UBE3D: variants seen among roughly 807,000 people sequenced by gnomAD.
The protein encoded by UBE3D is E3 ubiquitin-protein ligase E3D.
UBE3D carries 48 observed loss-of-function variants against 49.6 expected under a neutral mutation model. That is an observed-to-expected ratio of 0.97 (90% confidence interval 0.77 to 1.23). The LOEUF (loss-of-function observed/expected upper bound fraction) is 1.23, where lower values mean the gene tolerates loss of function less well. UBE3D is among the 50% of genes most tolerant of loss of function. The pLI is 0.00. For missense variants in UBE3D, 452 were observed against 468.4 expected (o/e 0.96, Z 0.32); for synonymous variants, 189 against 174.2 (o/e 1.08, Z -0.67).
In UBE3D at chr6:82,894,478, G is replaced by A. The variant is rs539036357; in HGVS notation, c.1150-1436C>T. 4.6e-5 allele frequency among the ~76,000 whole-genome samples: 7 copies of A among 152,014 alleles called. No individual in the cohort carries two copies. In the South Asian group the frequency reaches 1.5e-3, roughly 32 times the overall value. On this transcript the variant is annotated intron_variant, in intron 9 of 9. Coordinates refer to ENST00000369747, the MANE Select transcript of UBE3D (RefSeq NM_198920.3). ...AGACCCCTCCCACCCATACCTATAA[G>A]TACCCCAGCCTGTAAGCAGCGGTGG... is the stretch of plus-strand genomic sequence containing the variant.
intron 3 of UBE3D, among the ~76,000 whole-genome samples, chr6:83,052,476 T>C (rs9359555): frequency 0.65 from 98,683 of 151,966 alleles, 32,956 homozygotes; most frequent in East Asian, 0.78. Flanking sequence ...GTCAGCTGAA[T>C]TCTGAAGTTC....
At chr6:82,933,701 C>A (rs376060857) in intron 9 of UBE3D, among the ~76,000 whole-genome samples, 3 of 152,068 alleles carry the variant, frequency 2.0e-5, no homozygotes, top group South Asian at 4.1e-4. Flanking sequence ...TCTACAGATA[C>A]GAAATGAAAA....
At chr6:82,898,096 C>A (rs549457324) in intron 9 of UBE3D, among the ~76,000 whole-genome samples, 1 of 151,954 alleles carries the variant, frequency 6.6e-6, no homozygotes, top group East Asian at 1.9e-4. Flanking sequence ...CATCACTGGT[C>A]ATTAGAGAAA....
intron 9 of UBE3D, among the ~76,000 whole-genome samples, chr6:82,922,469 C>G: frequency 6.6e-6 from 1 of 152,166 alleles, no homozygotes; most frequent in East Asian, 1.9e-4. Flanking sequence ...CTGACACATA[C>G]AAGCAATGGG....
In UBE3D at chr6:82,925,891, TA is replaced by T. The variant is rs1206854224; in HGVS notation, c.1149+31420del. 6.6e-5 allele frequency among the ~76,000 whole-genome samples: 10 copies of T among 152,290 alleles called. No homozygotes were observed. The East Asian group carries it at 1.7e-3, about 26-fold the overall frequency. ...TACTTTGTTCCTACTAAGTAAAGAC[TA>T]AATGCTCATTTAGGTAGAAAAAAAC... On this transcript the variant is annotated intron_variant, in intron 9 of 9. Transcript: ENST00000369747.
chr6:83,024,062 G>C, intron 5 of UBE3D, 24 bp from the exon 6 acceptor site: 1 of 1,394,436 alleles, frequency 7.2e-7, no homozygotes. Flanking sequence ...AGAAAATTAA[G>C]ACTCTCCCCA....
Position 83,003,540 on chromosome 6 carries a change from T to A in UBE3D, c.1010+15433A>T, listed in dbSNP as rs1450587619. ...GTCATGTGTCGCTTAACAACGTGCA[T>A]ACATCCTGAGAAATGCATTATTAGG... is the stretch of plus-strand genomic sequence containing the variant. On this transcript the variant is annotated intron_variant, in intron 8 of 9. Transcript: ENST00000369747. 2.6e-5 allele frequency among the ~76,000 whole-genome samples: 4 copies of A among 152,202 alleles called. No individual in the cohort carries two copies. The East Asian group carries it at 7.7e-4, about 29-fold the overall frequency.
Position 82,928,234 on chromosome 6 carries a change from T to A in UBE3D, c.1149+29078A>T, listed in dbSNP as rs532474890. ...AAATATGCAAAATTTGGTCAGATGC[T>A]AAAATGGATCCCGGGAACCGCATAT... On this transcript the variant is annotated intron_variant, in intron 9 of 9. Transcript: ENST00000369747. Among the ~76,000 whole-genome samples, 10 of 152,042 alleles carry A rather than the reference T, an allele frequency of 6.6e-5. No individual in the cohort carries two copies. The South Asian group carries it at 1.9e-3, about 28-fold the overall frequency.
At chr6:82,984,352 T>C (rs1049752919) in intron 8 of UBE3D, among the ~76,000 whole-genome samples, 1 of 152,204 alleles carries the variant, frequency 6.6e-6, no homozygotes, top group African/African-American at 2.4e-5. Flanking sequence ...ATTTTACAAA[T>C]AGTGCTCAAA....
chr6:83,004,140 G>C (rs1779815309), intron 8 of UBE3D, among the ~76,000 whole-genome samples: 1 of 152,126 alleles, frequency 6.6e-6, no homozygotes, highest in Admixed American at 6.5e-5. Flanking sequence ...CTGTAAATCA[G>C]AAGTTTCTGC....
In UBE3D at chr6:82,957,587, C is replaced by T. The variant is rs2127774344; in HGVS notation, c.1011-137G>A. ...CTAGAAATAAACTATATTAAAAATT[C>T]ACAGAGAACATGTCCAAGACGTTTT... On this transcript the variant is annotated intron_variant, in intron 8 of 9. Transcript: ENST00000369747. The T allele has an allele frequency of 3.7e-6, 4 of 1,095,420 alleles. No homozygotes were observed. In the South Asian group the frequency reaches 7.3e-5, roughly 20 times the overall value. The allele number at this position is 1,095,420 out of a possible 1,614,324, so 67.9% of individuals were successfully genotyped here.
chr6:83,053,164 T>C (rs552466980), intron 3 of UBE3D, among the ~76,000 whole-genome samples: 23 of 152,406 alleles, frequency 1.5e-4, no homozygotes, highest in African/African-American at 5.5e-4. Flanking sequence ...ATTGTTAGTG[T>C]TAGTGTATTT....
chr6:83,000,620 T>C lies in UBE3D; in HGVS notation c.1010+18353A>G, dbSNP rs117376222. Among the ~76,000 whole-genome samples, 358 of 152,332 alleles carry C rather than the reference T, an allele frequency of 2.4e-3. 1 individual carries two copies. Among genetic ancestry groups the C allele is most frequent in the Non-Finnish European group, 4.1e-3 (282 of 68,032 alleles). ...GCTTCTCTCTGGATAAAATGTTCAA[T>C]CGGTTCTTATTGTTCTTAGGATAAA... On this transcript the variant is annotated intron_variant, in intron 8 of 9. Coordinates refer to ENST00000369747, the MANE Select transcript of UBE3D (RefSeq NM_198920.3).
intron 9 of UBE3D, among the ~76,000 whole-genome samples, chr6:82,940,556 C>T (rs1015983795): frequency 2.6e-5 from 4 of 152,206 alleles, no homozygotes; most frequent in African/African-American, 9.6e-5. Context: ...GGGATGCACA[C>T]GTGGATTACC....
chr6:83,010,185 A>C (rs1332431738), intron 8 of UBE3D, among the ~76,000 whole-genome samples: 2 of 152,144 alleles, frequency 1.3e-5, no homozygotes, highest in Non-Finnish European at 2.9e-5. Context: ...ATGTGTATTA[A>C]AATTTTAAGG....
At chr6:82,991,221 C>G (rs1363562898) in intron 8 of UBE3D, among the ~76,000 whole-genome samples, 1 of 152,166 alleles carries the variant, frequency 6.6e-6, no homozygotes, top group Non-Finnish European at 1.5e-5. Context: ...AATCTTTGTT[C>G]TATCCCTGAG....
chr6:82,980,123 G>A (rs910044615), intron 8 of UBE3D, among the ~76,000 whole-genome samples: 1 of 152,118 alleles, frequency 6.6e-6, no homozygotes, highest in Non-Finnish European at 1.5e-5. Flanking sequence ...TAGTGGGATT[G>A]CTAGATTGAA....
chr6:82,939,292 A>ATTGG (rs1774828602), intron 9 of UBE3D, among the ~76,000 whole-genome samples: 1 of 152,190 alleles, frequency 6.6e-6, no homozygotes, highest in Non-Finnish European at 1.5e-5. Flanking sequence ...CTAGGTAGCC[A>ATTGG]TTGGTTCAAT....
chr6:83,057,488 G>C (rs1783887019), intron 2 of UBE3D, among the ~76,000 whole-genome samples: 1 of 152,128 alleles, frequency 6.6e-6, no homozygotes. Flanking sequence ...AAATCAATCA[G>C]GTCTTATACA....
Sources: allele counts gnomAD v4.1 joint callset (sites outside exome capture counted in the v4.1 genomes callset), GRCh38; gene constraint gnomAD v4.1.1; transcripts MANE v1.5; gene names NCBI Gene and HGNC (gene_info 2026-07-23, HGNC 2026-07-21).